SCN11A: variants seen among roughly 807,000 people sequenced by gnomAD.
SCN11A encodes sodium voltage-gated channel alpha subunit 11, also known as sodium channel protein type 11 subunit alpha.
SCN11A carries 122 observed loss-of-function variants against 162.2 expected under a neutral mutation model. The ratio of observed to expected loss-of-function variants is 0.75; its 90% CI spans 0.65 to 0.87. The LOEUF (loss-of-function observed/expected upper bound fraction) is 0.87. Ranked by LOEUF, SCN11A falls within the 40% of genes least tolerant of loss-of-function variation. The pLI, the probability that SCN11A is intolerant of heterozygous loss-of-function variation, is 0.00. For synonymous variants in SCN11A, 758 were observed against 751.5 expected, an observed-to-expected ratio of 1.01 and a Z score of -0.14; for missense variants, 2,015 against 2,181.6, an observed-to-expected ratio of 0.92 and a Z score of 1.52.
At chr3:38,904,900 G>A (rs1559521677) in intron 15 of SCN11A, among the ~76,000 whole-genome samples, 1 of 152,146 alleles carries the variant, frequency 6.6e-6, no homozygotes, top group Non-Finnish European at 1.5e-5. Context: ...TCCCAGGCCT[G>A]GTTTGAGGCC....
In SCN11A at chr3:38,871,689, A is replaced by G. The variant is rs1196234819; in HGVS notation, c.3515T>C (p.Ile1172Thr). The G allele has an allele frequency of 6.8e-6, 11 of 1,607,410 alleles. No homozygotes were observed. Among genetic ancestry groups the G allele is most frequent in the Non-Finnish European group, 9.3e-6 (11 of 1,177,622 alleles). Residue 1172 changes from isoleucine (I) to threonine (T), a missense_variant, in exon 25 of 30, where the codon ATA (isoleucine) becomes ACA (threonine). Transcript: ENST00000302328. ...ATTCAGAATGGCAGGTATGGCACCT[A>G]TGAGAGCATTGACCACCACCTTATG... ...EGMKVVVNAL[I>T]GAIPAILNVL... is the part of the protein sequence containing the mutation.
chr3:38,956,774 A>T (rs888989914), intron 3 of SCN11A, among the ~76,000 whole-genome samples: 2 of 152,222 alleles, frequency 1.3e-5, no homozygotes, highest in Admixed American at 6.5e-5. Context: ...TATAAATGTT[A>T]TAAAATTTTA....
chr3:38,860,548 A>T (rs1445593100), intron 28 of SCN11A, among the ~76,000 whole-genome samples: 1 of 152,216 alleles, frequency 6.6e-6, no homozygotes, highest in African/African-American at 2.4e-5. Context: ...CACCATGATC[A>T]AGCAGGTTTT....
chr3:38,930,183 G>A (rs1347739622), intron 7 of SCN11A, among the ~76,000 whole-genome samples: 1 of 152,122 alleles, frequency 6.6e-6, no homozygotes, highest in Non-Finnish European at 1.5e-5. Flanking sequence ...AAAAGAAGTG[G>A]ACCTTTTCTG....
At chr3:39,046,868 G>GCAC in intron 1 of SCN11A, among the ~76,000 whole-genome samples, 1 of 152,194 alleles carries the variant, frequency 6.6e-6, no homozygotes, top group African/African-American at 2.4e-5. Flanking sequence ...CTACAGGCAT[G>GCAC]CACCACCATG....
intron 7 of SCN11A, among the ~76,000 whole-genome samples, chr3:38,930,687 G>C (rs2066226534): frequency 1.3e-5 from 2 of 152,100 alleles, no homozygotes; most frequent in Admixed American, 1.3e-4. Flanking sequence ...CCTGACCATT[G>C]ATGGGACAGG....
Position 38,869,633 on chromosome 3 carries a change from T to G in SCN11A, c.3813+1058A>C, listed in dbSNP as rs1575225160. ...TGACAACTGGAATGGCCATAAAGAT[T>G]AATTCTTATCCCTCGGTGCTGCTAT... On this transcript the variant is annotated intron_variant, in intron 26 of 29. Transcript: ENST00000302328. 2.6e-5 allele frequency among the ~76,000 whole-genome samples: 4 copies of G among 152,266 alleles called. No individual in the cohort carries two copies. The South Asian group carries it at 8.3e-4, about 32-fold the overall frequency.
At chr3:38,946,016 C>T in intron 6 of SCN11A, among the ~76,000 whole-genome samples, 1 of 152,164 alleles carries the variant, frequency 6.6e-6, no homozygotes, top group Non-Finnish European at 1.5e-5. Flanking sequence ...CTAAATCTAC[C>T]AACCCATATC....
intron 1 of SCN11A, among the ~76,000 whole-genome samples, chr3:39,046,428 T>C (rs2032183249): frequency 6.6e-6 from 1 of 152,182 alleles, no homozygotes. Context: ...ATTGTTAAAA[T>C]GACCAAACTA....
intron 11 of SCN11A, among the ~76,000 whole-genome samples, chr3:38,910,813 T>G (rs2065877121): frequency 6.6e-6 from 1 of 152,176 alleles, no homozygotes; most frequent in South Asian, 2.1e-4. Flanking sequence ...TTACAAACAT[T>G]TGGGCAATGA....
At position 38,846,454 on chromosome 3, in the gene SCN11A, C is replaced by T. The variant is rs574316733; in HGVS notation, c.*240G>A. 4.6e-4 allele frequency: 232 copies of T among 506,898 alleles called. 1 individual carries two copies. The South Asian group carries it at 5.9e-3, about 13-fold the overall frequency. 31.4% of individuals were successfully genotyped at this position (506,898 alleles called of 1,614,324 possible). On this transcript the variant is annotated 3_prime_UTR_variant, in exon 30 of 30. Coordinates refer to ENST00000302328, the MANE Select transcript of SCN11A (RefSeq NM_001349253.2). The stretch of plus-strand genomic sequence containing the variant: ...AAAATTGGTATGTCCTTTTACAGTC[C>T]TTCCTGGTGTCTTCTTCCTTATTAT...
intron 2 of SCN11A, among the ~76,000 whole-genome samples, chr3:39,016,117 T>C (rs2031282104): frequency 6.6e-6 from 1 of 152,182 alleles, no homozygotes; most frequent in Admixed American, 6.5e-5. Context: ...TATGTAAGAA[T>C]GTGGGTTAAA....
intron 23 of SCN11A, among the ~76,000 whole-genome samples, chr3:38,873,248 T>C (rs2065157155): frequency 6.6e-6 from 1 of 152,154 alleles, no homozygotes; most frequent in Non-Finnish European, 1.5e-5. Flanking sequence ...CCATTCTTAT[T>C]ATGGAGAGTT....
chr3:38,850,191 C>T (rs1035310470), intron 29 of SCN11A: 6 of 295,484 alleles, frequency 2.0e-5, no homozygotes, highest in Non-Finnish European at 3.7e-5. Context: ...GTTACCACCA[C>T]AAAAACTTCT....
intron 2 of SCN11A, among the ~76,000 whole-genome samples, chr3:38,987,519 T>C (rs975135194): frequency 1.3e-5 from 2 of 152,072 alleles, no homozygotes; most frequent in Non-Finnish European, 2.9e-5. Context: ...TTGAGGAAAG[T>C]AGTAATCTCC....
intron 2 of SCN11A, among the ~76,000 whole-genome samples, chr3:39,028,076 C>T (rs112104919): frequency 0.012 from 1,801 of 152,300 alleles, 33 homozygotes; most frequent in African/African-American, 0.04. Context: ...ACCCCTACCC[C>T]CTCCCAAATA....
intron 1 of SCN11A, among the ~76,000 whole-genome samples, chr3:39,050,637 T>C (rs1169523715): frequency 1.3e-5 from 2 of 152,260 alleles, no homozygotes; most frequent in African/African-American, 2.4e-5. Context: ...GCATTACTTA[T>C]ATACTAGCAC....
chr3:38,959,016 G>T (rs905539511), intron 3 of SCN11A, among the ~76,000 whole-genome samples: 1 of 152,152 alleles, frequency 6.6e-6, no homozygotes, highest in South Asian at 2.1e-4. Context: ...AACTGATACT[G>T]TGATTCTCAT....
At chr3:38,943,820 G>C (rs1433309655) in intron 7 of SCN11A, among the ~76,000 whole-genome samples, 1 of 152,172 alleles carries the variant, frequency 6.6e-6, no homozygotes. Context: ...GAAAGACTGG[G>C]TGAGAGGTGA....
Sources: allele counts gnomAD v4.1 joint callset (sites outside exome capture counted in the v4.1 genomes callset), GRCh38; gene constraint gnomAD v4.1.1; transcripts MANE v1.5; gene names NCBI Gene and HGNC (gene_info 2026-07-23, HGNC 2026-07-21).